RRM2: variants seen among roughly 807,000 people sequenced by gnomAD.
RRM2 encodes ribonucleotide reductase regulatory subunit M2.
In RRM2, 6 loss-of-function variants were observed where a neutral mutation model predicts 45.9. The ratio of observed to expected loss-of-function variants is 0.13; its 90% CI spans 0.07 to 0.26. RRM2 has a LOEUF of 0.26. Among genes scored for constraint, RRM2 ranks in the 10% least tolerant of loss-of-function variants. The pLI is 1.00. For synonymous variants in RRM2, 177 were observed against 173.0 expected (o/e 1.02, Z -0.18); for missense variants, 343 against 489.5 (o/e 0.70, Z 2.82).
chr2:10,197,034 T>C (rs1664429964), intron 3 of RRM2, among the ~76,000 whole-genome samples: 1 of 152,106 alleles, frequency 6.6e-6, no homozygotes, highest in Non-Finnish European at 1.5e-5. Context: ...CTTCCCACAC[T>C]CAGACAAGGC....
exon 3 of RRM2, chr2:10,142,319 G>A (rs201420637): frequency 2.2e-4 from 304 of 1,390,410 alleles, no homozygotes; most frequent in Non-Finnish European, 2.8e-4. Context: ...CTGCTTCTGC[G>A]TGTCAGGTGT....
intron 3 of RRM2, among the ~76,000 whole-genome samples, chr2:10,183,915 CT>C (rs1306178654): frequency 1.3e-5 from 2 of 151,744 alleles, no homozygotes; most frequent in East Asian, 3.9e-4. Flanking sequence ...TGGTGAAACC[CT>C]GTCTCTACTA....
Position 10,172,541 on chromosome 2 carries a change from A to G in RRM2, n.482+30166A>G, listed in dbSNP as rs188071971. ...GCCAATAGATTTTTCCAGTAATGAA[A>G]TTGTGAAAATAATTGAATTATGCCT... On this transcript the variant is annotated intron_variant and non_coding_transcript_variant, in intron 3 of 3. Coordinates refer to the RRM2 transcript ENST00000381786. The surrounding 1 kb of genome is among the most constrained non-coding windows in gnomAD (Gnocchi z 4.9). Among the ~76,000 whole-genome samples the G allele has an allele frequency of 2.6e-5, 4 of 152,268 alleles. No individual in the cohort carries two copies. The highest frequency in any genetic ancestry group is 9.6e-5 in the African/African-American group (4 of 41,546).
intron 3 of RRM2, among the ~76,000 whole-genome samples, chr2:10,191,839 G>A (rs1025953536): frequency 6.6e-6 from 1 of 152,182 alleles, no homozygotes; most frequent in South Asian, 2.1e-4. Flanking sequence ...CGGCTGCTGC[G>A]GAGGTAGGAG....
At position 10,183,327 on chromosome 2, in the gene RRM2, C is replaced by T. The variant is rs116063417; in HGVS notation, n.483-26984C>T. Among the ~76,000 whole-genome samples, 421 of 152,322 alleles carry T rather than the reference C, an allele frequency of 2.8e-3. 2 individuals are homozygous for T. Among genetic ancestry groups the T allele is most frequent in the African/African-American group, 9.9e-3 (412 of 41,586 alleles). Reference sequence around the variant, plus strand: ...ACGGGGCTGATGTGCCATCTGACCCCTCTGAGACCTGTGGGACTGGGCTCC... The same window carrying T: ...ACGGGGCTGATGTGCCATCTGACCCTTCTGAGACCTGTGGGACTGGGCTCC... On this transcript the variant is annotated intron_variant and non_coding_transcript_variant, in intron 3 of 3. Coordinates refer to the RRM2 transcript ENST00000381786.
At chr2:10,138,414 G>A (rs1663027583), upstream of RRM2, among the ~76,000 whole-genome samples, 1 of 152,006 alleles carries the variant, frequency 6.6e-6, no homozygotes. Flanking sequence ...TGATCCGCCT[G>A]CCTTGGCCTC....
At chr2:10,161,638 A>C (rs998379130) in intron 3 of RRM2, among the ~76,000 whole-genome samples, 2 of 151,022 alleles carry the variant, frequency 1.3e-5, no homozygotes, top group African/African-American at 4.9e-5. Context: ...ATGCTCACTC[A>C]TGCACTCACA....
At chr2:10,187,794 C>T (rs1017343095) in intron 3 of RRM2, among the ~76,000 whole-genome samples, 4 of 152,178 alleles carry the variant, frequency 2.6e-5, no homozygotes, top group African/African-American at 9.7e-5. Context: ...CACCATGATT[C>T]GGTTGGGAAC....
At chr2:10,144,072 A>T (rs1263923219) in intron 3 of RRM2, among the ~76,000 whole-genome samples, 1 of 152,068 alleles carries the variant, frequency 6.6e-6, no homozygotes, top group East Asian at 1.9e-4. Flanking sequence ...ATCACTATTC[A>T]CGCACAGCGC....
At chr2:10,153,822 C>G (rs1451929928) in intron 3 of RRM2, among the ~76,000 whole-genome samples, 1 of 152,080 alleles carries the variant, frequency 6.6e-6, no homozygotes, top group Non-Finnish European at 1.5e-5. Context: ...CTTAAAAAAG[C>G]AAATTCCCAG....
chr2:10,196,860 CT>C (rs1447892010), intron 3 of RRM2, among the ~76,000 whole-genome samples: 2 of 152,172 alleles, frequency 1.3e-5, no homozygotes, highest in African/African-American at 4.8e-5. Context: ...CCCCTGCCCC[CT>C]GATGGGAAGG....
At chr2:10,154,332 C>T (rs1156330360) in intron 3 of RRM2, among the ~76,000 whole-genome samples, 1 of 148,284 alleles carries the variant, frequency 6.7e-6, no homozygotes, top group Non-Finnish European at 1.5e-5. Context: ...CAAAAATTAG[C>T]TGGGTGTGGT....
At chr2:10,190,384 ATGGTGATGGTGG>A (rs1359238863) in intron 3 of RRM2, among the ~76,000 whole-genome samples, 7 of 96,080 alleles carry the variant, frequency 7.3e-5, no homozygotes, top group African/African-American at 2.9e-4. Flanking sequence ...TGATGTGGTG[ATGGTGATGGTGG>A]TGGTGATGGT....
chr2:10,173,673 C>T (rs538626046), intron 3 of RRM2, among the ~76,000 whole-genome samples: 1 of 152,262 alleles, frequency 6.6e-6, no homozygotes, highest in Non-Finnish European at 1.5e-5. Flanking sequence ...TCCGCGGGCA[C>T]CCCCGATGCA....
intron 3 of RRM2, among the ~76,000 whole-genome samples, chr2:10,167,392 T>A (rs1663704989): frequency 6.6e-6 from 1 of 152,162 alleles, no homozygotes; most frequent in African/African-American, 2.4e-5. Flanking sequence ...GTCTCACTGC[T>A]CGGCTTGGAC....
Position 10,129,022 on chromosome 2 carries a change from G to A in RRM2, c.904-19G>A, listed in dbSNP as rs1222529580. On this transcript the variant is annotated intron_variant, in intron 8 of 9. Transcript: ENST00000304567. The surrounding 1 kb of genome is among the most constrained non-coding windows in gnomAD (Gnocchi z 4.8). Reference sequence around the variant, plus strand: ...GCCTGTGCTTTAGTTGTATTCAGAAGCTGTATTTTGGTTCCTAGGAGTTCC... The same window carrying A: ...GCCTGTGCTTTAGTTGTATTCAGAAACTGTATTTTGGTTCCTAGGAGTTCC... 1 of 1,612,094 alleles carries A rather than the reference G, an allele frequency of 6.2e-7. No individual in the cohort carries two copies. The highest frequency in any genetic ancestry group is 1.3e-5 in the African/African-American group (1 of 74,894).
chr2:10,165,765 CA>C (rs1485108793), intron 3 of RRM2, among the ~76,000 whole-genome samples: 2 of 152,194 alleles, frequency 1.3e-5, no homozygotes, highest in Non-Finnish European at 2.9e-5. Flanking sequence ...TGCTGCCTTC[CA>C]AAATGGAAGA....
intron 3 of RRM2, among the ~76,000 whole-genome samples, chr2:10,209,214 C>T (rs551035405): frequency 9.9e-5 from 15 of 152,114 alleles, no homozygotes; most frequent in African/African-American, 2.2e-4. Context: ...TGCACCACCA[C>T]GCATGGCTAA....
chr2:10,148,811 T>G (rs576469408), intron 3 of RRM2, among the ~76,000 whole-genome samples: 2 of 152,220 alleles, frequency 1.3e-5, no homozygotes, highest in Non-Finnish European at 2.9e-5. Flanking sequence ...ATATTTATGT[T>G]CCCCTATTTG....
Sources: gnomAD v4.1 joint callset for allele counts (sites outside exome capture counted in the v4.1 genomes callset) on GRCh38, gnomAD v4.1.1 for gene constraint, Gnocchi (gnomAD v3.1) non-coding constraint, MANE v1.5 for transcripts, NCBI Gene and HGNC (gene_info 2026-07-23, HGNC 2026-07-21) for gene names.